Variants in HDGFL3 observed in about 807,000 individuals in gnomAD.
The protein encoded by HDGFL3 is hepatoma-derived growth factor-related protein 3.
A neutral mutation model predicts 27.6 loss-of-function variants in HDGFL3; 6 were observed. The observed-to-expected ratio is 0.22, with a 90% CI of 0.12 to 0.43. The LOEUF is 0.43. HDGFL3 is among the 20% of genes least tolerant of loss of function. HDGFL3 has a pLI of 1.00. For missense variants in HDGFL3, 207 were observed against 250.1 expected (o/e 0.83, Z 1.16); for synonymous variants, 88 against 88.9 (o/e 0.99, Z 0.05).
At chr15:83,118,030 G>T (rs1201539251) in intron 3 of HDGFL3, among the ~76,000 whole-genome samples, 6 of 152,174 alleles carry the variant, frequency 3.9e-5, no homozygotes, top group African/African-American at 1.4e-4. Flanking sequence ...TGACCATGTG[G>T]TTTTGACCTT....
chr15:83,148,092 A>G (rs1049359193), intron 5 of HDGFL3, among the ~76,000 whole-genome samples: 3 of 152,222 alleles, frequency 2.0e-5, no homozygotes, highest in Non-Finnish European at 4.4e-5. Flanking sequence ...TACTCACTAT[A>G]TTGGCAATAA....
intron 1 of HDGFL3, among the ~76,000 whole-genome samples, chr15:83,174,662 G>A (rs1290427657): frequency 1.3e-5 from 2 of 152,044 alleles, no homozygotes; most frequent in Non-Finnish European, 2.9e-5. Context: ...TGCTTTAAAT[G>A]GCCAAAAATA....
chr15:83,145,935 G>C (rs1460142023), intron 5 of HDGFL3, among the ~76,000 whole-genome samples: 1 of 96,978 alleles, frequency 1.0e-5, no homozygotes, highest in African/African-American at 4.0e-5. Context: ...TTTTGAGATG[G>C]AGTCTCACTC....
At chr15:83,169,669 C>T (rs1357484976) in intron 1 of HDGFL3, among the ~76,000 whole-genome samples, 1 of 151,786 alleles carries the variant, frequency 6.6e-6, no homozygotes, top group Non-Finnish European at 1.5e-5. Context: ...GGAGTGGTGG[C>T]TCGTGCCTGT....
At chr15:83,150,811 G>C (rs2036954477) in intron 5 of HDGFL3, among the ~76,000 whole-genome samples, 1 of 152,118 alleles carries the variant, frequency 6.6e-6, no homozygotes, top group African/African-American at 2.4e-5. Flanking sequence ...TGGGTACAAT[G>C]AATTACACAC....
chr15:83,174,484 T>C (rs557714852), intron 1 of HDGFL3, among the ~76,000 whole-genome samples: 4 of 148,898 alleles, frequency 2.7e-5, no homozygotes, highest in East Asian at 1.9e-4. Flanking sequence ...ATATGTTACA[T>C]TGAGCACCAC....
intron 1 of HDGFL3, among the ~76,000 whole-genome samples, chr15:83,169,727 G>A (rs566588583): frequency 5.3e-4 from 80 of 152,052 alleles, no homozygotes; most frequent in Non-Finnish European, 1.1e-3. Flanking sequence ...CTTGAACCCA[G>A]GAGGCAAGGT....
chr15:83,135,658 T>C lies in HDGFL3; in HGVS notation c.*3612A>G, dbSNP rs750567895. 5.3e-5 allele frequency: 8 copies of C among 152,200 alleles called. No individual in the cohort carries two copies. The highest frequency in any genetic ancestry group is 2.1e-4 in the South Asian group (1 of 4,826). The allele number at this position is 152,200 out of a possible 1,614,324, so 9.4% of individuals were successfully genotyped here. On this transcript the variant is annotated 3_prime_UTR_variant, in exon 6 of 6. Coordinates refer to ENST00000299633, the MANE Select transcript of HDGFL3 (RefSeq NM_016073.4). ...TGCGAAAAATATCAAAAAAGACCAA[T>C]TGGCACATTCTGAATGTGTTTTCTG... is the stretch of plus-strand genomic sequence containing the variant.
intron 3 of HDGFL3, among the ~76,000 whole-genome samples, chr15:83,116,851 T>G (rs2034712879): frequency 6.6e-6 from 1 of 152,216 alleles, no homozygotes; most frequent in African/African-American, 2.4e-5. Context: ...AGTGTCCTGA[T>G]TCCTGCTTTG....
At chr15:83,165,186 T>C (rs2037154493) in intron 1 of HDGFL3, among the ~76,000 whole-genome samples, 1 of 152,204 alleles carries the variant, frequency 6.6e-6, no homozygotes, top group African/African-American at 2.4e-5. Context: ...TGGGGAACCC[T>C]GAAATTTACG....
At chr15:83,202,519 G>A (rs573010868) in intron 1 of HDGFL3, among the ~76,000 whole-genome samples, 1 of 152,132 alleles carries the variant, frequency 6.6e-6, no homozygotes, top group East Asian at 1.9e-4. Context: ...AAGGGAATAG[G>A]AAGATGCAGC....
chr15:83,172,261 T>C lies in HDGFL3; in HGVS notation c.85-8186A>G, dbSNP rs575649187. On this transcript the variant is annotated intron_variant, in intron 1 of 5. Transcript: ENST00000299633. ...TCTCTTGCCCTTCTGTCTTTGGCCA[T>C]GTAACGATACACCAAGAATGCCCTC... Among the ~76,000 whole-genome samples the C allele has an allele frequency of 1.6e-3, 237 of 152,324 alleles. 9 individuals are homozygous for C. In the South Asian group the frequency reaches 0.047, roughly 30 times the overall value.
exon 4 of HDGFL3, chr15:83,114,814 C>T (rs930309153): frequency 6.6e-6 from 1 of 152,238 alleles, no homozygotes; most frequent in African/African-American, 2.4e-5. Flanking sequence ...TAAATTTGAT[C>T]ACCTGCTGTT....
chr15:83,186,590 T>C (rs1235876136), intron 1 of HDGFL3, among the ~76,000 whole-genome samples: 1 of 152,210 alleles, frequency 6.6e-6, no homozygotes, highest in Non-Finnish European at 1.5e-5. Flanking sequence ...GCAACCTGGA[T>C]GAAACCGAAG....
chr15:83,157,578 G>A lies in HDGFL3; in HGVS notation c.301-5C>T, dbSNP rs767172570. On this transcript the variant is annotated splice_polypyrimidine_tract_variant and splice_region_variant and intron_variant, in intron 3 of 5. Transcript: ENST00000299633. ...AGAGCTCTGTTGCTGAATTGCCTAA[G>A]AAATAATAAAATATTAGCTGATTAC... 1.9e-6 allele frequency: 3 copies of A among 1,606,474 alleles called. No homozygotes were observed. Among genetic ancestry groups the A allele is most frequent in the South Asian group, 2.2e-5 (2 of 89,064 alleles).
At chr15:83,148,550 A>C (rs1267529662) in intron 5 of HDGFL3, among the ~76,000 whole-genome samples, 2 of 152,062 alleles carry the variant, frequency 1.3e-5, no homozygotes, top group Admixed American at 1.3e-4. Context: ...TGAACCTGGG[A>C]TGCAGAGCTT....
At chr15:83,127,451 T>A (rs562270944), downstream of HDGFL3, 5 of 1,613,826 alleles carry the variant, frequency 3.1e-6, no homozygotes, top group South Asian at 1.1e-5. Context: ...TGACATCACA[T>A]TGATACATGC....
intron 5 of HDGFL3, among the ~76,000 whole-genome samples, 177 bp from the exon 6 acceptor site, chr15:83,139,452 T>G (rs1257054345): frequency 6.6e-6 from 1 of 152,198 alleles, no homozygotes; most frequent in Non-Finnish European, 1.5e-5. Context: ...TTTAGACCTG[T>G]CAGTGCAAAA....
At chr15:83,181,636 C>A (rs1457371728) in intron 1 of HDGFL3, among the ~76,000 whole-genome samples, 1 of 152,086 alleles carries the variant, frequency 6.6e-6, no homozygotes, top group African/African-American at 2.4e-5. Context: ...CCACCACGCC[C>A]GGCTAATTTT....
Sources: gnomAD v4.1 joint callset for allele counts (sites outside exome capture counted in the v4.1 genomes callset) on GRCh38, gnomAD v4.1.1 for gene constraint, MANE v1.5 for transcripts, NCBI Gene and HGNC (gene_info 2026-07-23, HGNC 2026-07-21) for gene names.